Variants in CACNA1B observed in about 807,000 individuals in gnomAD.
The protein encoded by CACNA1B is voltage-dependent N-type calcium channel subunit alpha-1B.
A neutral mutation model predicts 247.2 loss-of-function variants in CACNA1B; 70 were observed. The observed-to-expected ratio is 0.28, with a 90% confidence interval of 0.23 to 0.35. CACNA1B has a LOEUF of 0.35. CACNA1B is among the 10% of genes least tolerant of loss of function. The probability of loss-of-function intolerance (pLI) is 1.00; values close to 1 mark genes in which losing one functional copy is unlikely to be tolerated. For missense variants in CACNA1B, 2,367 were observed against 3,197.4 expected, an observed-to-expected ratio of 0.74 and a Z score of 6.26; for synonymous variants, 1,231 against 1,294.4, an observed-to-expected ratio of 0.95 and a Z score of 1.05.
In CACNA1B at chr9:137,994,433, ATTAT is replaced by A. The variant is rs1958472555; in HGVS notation, c.1974+7584_1974+7587del. ...TCACTGTTTGTTTGCCGATGATATG[ATTAT>A]TTATGTTGAAAACCCCAAAGACTTT... On this transcript the variant is annotated intron_variant, in intron 15 of 46. Coordinates refer to ENST00000371372, the MANE Select transcript of CACNA1B (RefSeq NM_000718.4). Among the ~76,000 whole-genome samples, 4 of 152,362 alleles carry A rather than the reference ATTAT, an allele frequency of 2.6e-5. No homozygotes were observed. The South Asian group carries it at 8.3e-4, about 32-fold the overall frequency.
intron 3 of CACNA1B, among the ~76,000 whole-genome samples, chr9:137,889,206 G>T (rs1208024771): frequency 6.6e-6 from 1 of 150,430 alleles, no homozygotes; most frequent in African/African-American, 2.4e-5. Flanking sequence ...AGCTGGGTGT[G>T]TCCGTGCTGT....
chr9:138,052,020 C>G lies in CACNA1B; in HGVS notation c.3711-72C>G. The G allele has an allele frequency of 1.2e-6, 1 of 857,584 alleles. No individual in the cohort carries two copies. Among genetic ancestry groups the G allele is most frequent in the Non-Finnish European group, 1.9e-6 (1 of 513,996 alleles). 53.1% of individuals were successfully genotyped at this position (857,584 alleles called of 1,614,324 possible). A position where few individuals can be genotyped will look rare whatever the true frequency, so the allele number is the denominator to read the frequency against. On this transcript the variant is annotated intron_variant, in intron 24 of 46. Transcript: ENST00000371372. This position sits in a 1 kb window ranked among gnomAD's most constrained non-coding sequence, Gnocchi z 5.1. Reference sequence around the variant, plus strand: ...TGCACAGGGGAGCAGGACTCAGACCCTGGGGGGCCACGTGGGAGCTGGGCA... The same window carrying G: ...TGCACAGGGGAGCAGGACTCAGACCGTGGGGGGCCACGTGGGAGCTGGGCA...
At chr9:138,047,824 G>A (rs1959196570) in intron 23 of CACNA1B, among the ~76,000 whole-genome samples, 1 of 152,228 alleles carries the variant, frequency 6.6e-6, no homozygotes, top group African/African-American at 2.4e-5. Context: ...GGGGGAGGAG[G>A]AGACCTGGGA....
Position 137,914,644 on chromosome 9 carries a change from C to G in CACNA1B, c.623-10C>G. On this transcript the variant is annotated splice_polypyrimidine_tract_variant and intron_variant, in intron 4 of 46. Transcript: ENST00000371372. The surrounding 1 kb of genome is among the most constrained non-coding windows in gnomAD (Gnocchi z 4.3). ...ACGTTGCTTCCTGACCTGCCCTGTTCTGGCCCCAGGTTTGCAGGTGGTGCT... is the reference window on the plus strand; with the variant it reads ...ACGTTGCTTCCTGACCTGCCCTGTTGTGGCCCCAGGTTTGCAGGTGGTGCT... The G allele has an allele frequency of 6.2e-7, 1 of 1,613,184 alleles. No individual in the cohort carries two copies. Among genetic ancestry groups the G allele is most frequent in the Non-Finnish European group, 8.5e-7 (1 of 1,179,390 alleles).
Position 138,123,049 on chromosome 9 carries a change from G to A in CACNA1B, c.*1050G>A, listed in dbSNP as rs116066034. 14 of 152,392 alleles carry A rather than the reference G, an allele frequency of 9.2e-5. No individual in the cohort carries two copies. Among genetic ancestry groups the A allele is most frequent in the African/African-American group, 2.9e-4 (12 of 41,588 alleles). 9.4% of individuals were successfully genotyped at this position (152,392 alleles called of 1,614,324 possible). The stretch of plus-strand genomic sequence containing the variant: ...AGGAAGCCACAGGGCAGCTGACCAC[G>A]TGCTTGTGTGAGGCATTTTCAGTCT... On this transcript the variant is annotated 3_prime_UTR_variant, in exon 47 of 47. Transcript: ENST00000371372.
At chr9:138,043,441 G>A (rs756799259) in intron 20 of CACNA1B, among the ~76,000 whole-genome samples, 95 of 152,180 alleles carry the variant, frequency 6.2e-4, no homozygotes, top group Non-Finnish European at 1.1e-3. Context: ...GCAGTGGGAA[G>A]GTCTCACCAG....
chr9:137,921,810 A>C (rs1158974953), intron 6 of CACNA1B, among the ~76,000 whole-genome samples: 1 of 145,994 alleles, frequency 6.8e-6, no homozygotes, highest in Non-Finnish European at 1.5e-5. Flanking sequence ...TTCGGAGAAC[A>C]CGATCAGCAC....
intron 6 of CACNA1B, among the ~76,000 whole-genome samples, chr9:137,926,267 A>G (rs543257914): frequency 1.3e-5 from 2 of 149,320 alleles, no homozygotes; most frequent in Non-Finnish European, 3.0e-5. Flanking sequence ...ATGGGGTTTC[A>G]CTATCTTGGC....
intron 6 of CACNA1B, among the ~76,000 whole-genome samples, chr9:137,925,940 G>C (rs145391086): frequency 7.1e-6 from 1 of 141,038 alleles, no homozygotes; most frequent in Non-Finnish European, 1.5e-5. Context: ...TTTTTTAGTA[G>C]AGACGGGATT....
chr9:138,118,564 C>G (rs1218674015), intron 43 of CACNA1B, 88 bp from the exon 44 acceptor site: 1 of 665,986 alleles, frequency 1.5e-6, no homozygotes, highest in African/African-American at 1.8e-5. Flanking sequence ...GGGTGAGACC[C>G]CAGTGCCTCA....
At chr9:138,092,513 G>T (rs1960912414) in intron 36 of CACNA1B, among the ~76,000 whole-genome samples, 1 of 152,144 alleles carries the variant, frequency 6.6e-6, no homozygotes, top group Non-Finnish European at 1.5e-5. Context: ...CTGTTATCCT[G>T]TTCTTTTTTA....
rs201654386 is a variant in CACNA1B, at chr9:138,059,605, A to C, written c.4585-49A>C. ...ACCACCTATATATACCTCTTTGCCAACAGAGCCCTCATCAGCCGCTGGCAC... is the reference window on the plus strand; with the variant it reads ...ACCACCTATATATACCTCTTTGCCACCAGAGCCCTCATCAGCCGCTGGCAC... On this transcript the variant is annotated intron_variant, in intron 30 of 46. Coordinates refer to ENST00000371372, the MANE Select transcript of CACNA1B (RefSeq NM_000718.4). The surrounding 1 kb of genome is among the most constrained non-coding windows in gnomAD (Gnocchi z 4.2). 1.9e-6 allele frequency: 2 copies of C among 1,079,460 alleles called. No homozygotes were observed. The highest frequency in any genetic ancestry group is 3.1e-5 in the African/African-American group (2 of 64,620). The allele number at this position is 1,079,460 out of a possible 1,614,324, so 66.9% of individuals were successfully genotyped here. A position where few individuals can be genotyped will look rare whatever the true frequency, so the allele number is the denominator to read the frequency against.
Position 138,012,100 on chromosome 9 carries a change from G to A in CACNA1B, c.2161-1029G>A, listed in dbSNP as rs1364744615. Among the ~76,000 whole-genome samples, 1 of 152,246 alleles carries A rather than the reference G, an allele frequency of 6.6e-6. No homozygotes were observed. Among genetic ancestry groups the A allele is most frequent in the African/African-American group, 2.4e-5 (1 of 41,470 alleles). The stretch of plus-strand genomic sequence containing the variant: ...CTGCCTGCACATGTGCACATGCCCA[G>A]CCCTGAGGGCAGGAGCCATGTGAAG... On this transcript the variant is annotated intron_variant, in intron 17 of 46. Coordinates refer to ENST00000371372, the MANE Select transcript of CACNA1B (RefSeq NM_000718.4). This position sits in a 1 kb window ranked among gnomAD's most constrained non-coding sequence, Gnocchi z 4.2.
Position 138,020,028 on chromosome 9 carries a change from C to G in CACNA1B, c.2268-2983C>G, listed in dbSNP as rs1958824005. Reference sequence around the variant, plus strand: ...AGGAGAATTGCTTGAACCCGGGAGGCAGAGGTTGCAGTGAGCCGTGATCAC... The same window carrying G: ...AGGAGAATTGCTTGAACCCGGGAGGGAGAGGTTGCAGTGAGCCGTGATCAC... On this transcript the variant is annotated intron_variant, in intron 18 of 46. Coordinates refer to ENST00000371372, the MANE Select transcript of CACNA1B (RefSeq NM_000718.4). The surrounding 1 kb of genome is among the most constrained non-coding windows in gnomAD (Gnocchi z 4.1). 6.9e-6 allele frequency among the ~76,000 whole-genome samples: 1 copy of G among 145,542 alleles called. No homozygotes were observed. Among genetic ancestry groups the G allele is most frequent in the Non-Finnish European group, 1.5e-5 (1 of 67,490 alleles).
At chr9:138,099,218 ATG>A (rs529305386) in intron 37 of CACNA1B, among the ~76,000 whole-genome samples, 34 of 152,286 alleles carry the variant, frequency 2.2e-4, no homozygotes, top group African/African-American at 5.3e-4. Context: ...GCATGTGTAC[ATG>A]TGTGTTGTGC....
intron 31 of CACNA1B, among the ~76,000 whole-genome samples, chr9:138,065,816 T>A (rs1010831480): frequency 6.6e-6 from 1 of 152,230 alleles, no homozygotes; most frequent in African/African-American, 2.4e-5. Context: ...TGGATGCTAA[T>A]GATATCTTGC....
chr9:138,054,627 T>C lies in CACNA1B; in HGVS notation c.3968+621T>C, dbSNP rs1216362341. 6.6e-6 allele frequency among the ~76,000 whole-genome samples: 1 copy of C among 152,206 alleles called. No individual in the cohort carries two copies. Among genetic ancestry groups the C allele is most frequent in the Non-Finnish European group, 1.5e-5 (1 of 68,022 alleles). On this transcript the variant is annotated intron_variant, in intron 26 of 46. Transcript: ENST00000371372. This position sits in a 1 kb window ranked among gnomAD's most constrained non-coding sequence, Gnocchi z 4.6. Reference sequence around the variant, plus strand: ...TGATGGGCACTTGGCTGTTTGCAGCTGGGAATGCTGCACGTGCACACGTCC... The same window carrying C: ...TGATGGGCACTTGGCTGTTTGCAGCCGGGAATGCTGCACGTGCACACGTCC...
At chr9:137,975,440 G>A (rs772310233) in intron 11 of CACNA1B, among the ~76,000 whole-genome samples, 1 of 152,194 alleles carries the variant, frequency 6.6e-6, no homozygotes, top group Non-Finnish European at 1.5e-5. Context: ...GGAAAGGTGG[G>A]AGATTCTGAC....
intron 15 of CACNA1B, among the ~76,000 whole-genome samples, chr9:137,988,428 C>T (rs370535188): frequency 2.0e-5 from 3 of 152,168 alleles, no homozygotes. Flanking sequence ...TGACCACAGC[C>T]ACGCTTTGCC....
Sources: gnomAD v4.1 joint callset for allele counts (sites outside exome capture counted in the v4.1 genomes callset) on GRCh38, gnomAD v4.1.1 for gene constraint, Gnocchi (gnomAD v3.1) non-coding constraint, MANE v1.5 for transcripts, NCBI Gene and HGNC (gene_info 2026-07-23, HGNC 2026-07-21) for gene names.